Variants in NKD2 observed in about 807,000 individuals in gnomAD.
NKD2 encodes the protein NKD inhibitor of Wnt signaling pathway 2.
In NKD2, 43 loss-of-function variants were observed where a neutral mutation model predicts 34.8. That is an observed-to-expected ratio of 1.24 (90% CI 0.97 to 1.60). The LOEUF is 1.60. Among genes scored for constraint, NKD2 ranks in the 40% most tolerant of loss-of-function variants. The pLI is 0.00. For missense variants in NKD2, 675 were observed against 627.1 expected (o/e 1.08, Z -0.82); for synonymous variants, 278 against 265.1 (o/e 1.05, Z -0.47).
At chr5:1,035,972 G>A in intron 8 of NKD2, 2 of 471,810 alleles carry the variant, frequency 4.2e-6, no homozygotes, top group Admixed American at 4.1e-5. Flanking sequence ...TGGTCCCAGA[G>A]TGGTGATCAG....
At position 1,034,827 on chromosome 5, in the gene NKD2, C is replaced by T; in HGVS notation, c.498C>T (p.Ser166=). The change falls in exon 7 of 10, where the codon AGC becomes AGT. Residue 166 remains serine, a synonymous_variant. Transcript: ENST00000296849. ...CGGTCAACCACTCCTCGGGCAGCAG[C>T]AAGACCCTCCGTGTGAAGCTAACCG... The part of the protein sequence containing the change: ...DASVNHSSGS[S]KTLRVKLTVS... The T allele has an allele frequency of 1.2e-6, 2 of 1,612,858 alleles. No homozygotes were observed. The highest frequency in any genetic ancestry group is 1.7e-6 in the Non-Finnish European group (2 of 1,179,964).
At chr5:1,011,474 C>T (rs1020091291) in intron 3 of NKD2, among the ~76,000 whole-genome samples, 8 of 152,338 alleles carry the variant, frequency 5.3e-5, no homozygotes, top group South Asian at 2.1e-4. Flanking sequence ...CCTCGCCCAT[C>T]GTCCTTGTCC....
rs191461031 is a variant in NKD2 at position 1,017,029 on chromosome 5, A to G, written c.141+7469A>G. Reference sequence around the variant, plus strand: ...CTTCCCACAAAGGATAACAGAGCCAACCTCATCCTCGTCCTTCCCACAAAG... The same window carrying G: ...CTTCCCACAAAGGATAACAGAGCCAGCCTCATCCTCGTCCTTCCCACAAAG... On this transcript the variant is annotated intron_variant, in intron 3 of 9. Transcript: ENST00000296849. Among the ~76,000 whole-genome samples the G allele has an allele frequency of 2.4e-3, 347 of 145,636 alleles. 1 individual carries two copies. The highest frequency in any genetic ancestry group is 7.9e-3 in the African/African-American group (306 of 38,722).
At position 1,038,512 on chromosome 5, in the gene NKD2, G is replaced by GT; in HGVS notation, c.*139_*140insT. 1 of 1,488,732 alleles carries GT rather than the reference G, an allele frequency of 6.7e-7. No individual in the cohort carries two copies. Among genetic ancestry groups the GT allele is most frequent in the Non-Finnish European group, 9.0e-7 (1 of 1,106,834 alleles). 92.2% of individuals were successfully genotyped at this position (1,488,732 alleles called of 1,614,324 possible). On this transcript the variant is annotated 3_prime_UTR_variant, in exon 10 of 10. Coordinates refer to ENST00000296849, the MANE Select transcript of NKD2 (RefSeq NM_033120.4). This position sits in a 1 kb window ranked among gnomAD's most constrained non-coding sequence, Gnocchi z 4.5. ...CTCCGACAGCAAACAGCAACTGACT[G>GT]CAGGTGCTGGCATGATGGAGGTGGT...
rs1206898260 is a variant in NKD2 at position 1,009,229 on chromosome 5, C to T, written c.61+15C>T. On this transcript the variant is annotated intron_variant, in intron 2 of 9. Transcript: ENST00000296849. This position sits in a 1 kb window ranked among gnomAD's most constrained non-coding sequence, Gnocchi z 6.9. The stretch of plus-strand genomic sequence containing the variant: ...GAGCCCGGAAGGTGAGCGGGCGAGC[C>T]GACGGGCGGGGCGGGGGGCGGCGAC... The T allele has an allele frequency of 2.0e-6, 1 of 497,630 alleles. No homozygotes were observed. Among genetic ancestry groups the T allele is most frequent in the East Asian group, 3.6e-5 (1 of 27,858 alleles). The allele number at this position is 497,630 out of a possible 1,614,324, so 30.8% of individuals were successfully genotyped here. A position where few individuals can be genotyped will look rare whatever the true frequency, so the allele number is the denominator to read the frequency against.
rs1734040376 is a variant in NKD2, at chr5:1,037,421, CCTT to C, written c.788-381_788-379del. ...CGTTGTGAAGGTGGCAGTCCTGAGT[CCTT>C]CTCAAATCTATTTTGTAATGAGGGT... On this transcript the variant is annotated intron_variant, in intron 9 of 9. Transcript: ENST00000296849. The C allele has an allele frequency of 3.6e-6, 4 of 1,113,914 alleles. No individual in the cohort carries two copies. The South Asian group carries it at 4.5e-5, about 12-fold the overall frequency. 69.0% of individuals were successfully genotyped at this position (1,113,914 alleles called of 1,614,324 possible).
chr5:1,033,630 C>T (rs1756735865), intron 5 of NKD2, 131 bp downstream of exon 5: 11 of 1,139,364 alleles, frequency 9.7e-6, no homozygotes, highest in Non-Finnish European at 1.3e-5. Flanking sequence ...CACAGTTCAC[C>T]CCGTTTAAGG....
At chr5:1,035,018 G>C in intron 7 of NKD2, 115 bp downstream of exon 7, 1 of 972,796 alleles carries the variant, frequency 1.0e-6, no homozygotes, top group Non-Finnish European at 1.5e-6. Context: ...GTGGGTGAAT[G>C]GATGGGTGAG....
intron 3 of NKD2, among the ~76,000 whole-genome samples, chr5:1,013,661 A>G (rs904649310): frequency 2.6e-5 from 4 of 152,220 alleles, no homozygotes; most frequent in Non-Finnish European, 5.9e-5. Flanking sequence ...AGCCGCAGGC[A>G]TCCCCTGTCC....
In NKD2 at chr5:1,038,669, C is replaced by CT; in HGVS notation, c.*299dup. On this transcript the variant is annotated 3_prime_UTR_variant, in exon 10 of 10. Transcript: ENST00000296849. This position sits in a 1 kb window ranked among gnomAD's most constrained non-coding sequence, Gnocchi z 4.5. The stretch of plus-strand genomic sequence containing the variant: ...TCGTCTGTGTAACCCATAAAACCTG[C>CT]TTTGATTCCAAAATGAGGCCCTGGA... The CT allele has an allele frequency of 1.6e-6, 1 of 629,902 alleles. No individual in the cohort carries two copies. The highest frequency in any genetic ancestry group is 2.8e-6 in the Non-Finnish European group (1 of 354,722). The allele number at this position is 629,902 out of a possible 1,614,324, so 39.0% of individuals were successfully genotyped here. A position where few individuals can be genotyped will look rare whatever the true frequency, so the allele number is the denominator to read the frequency against.
At chr5:1,029,265 T>G in intron 3 of NKD2, among the ~76,000 whole-genome samples, 1 of 152,236 alleles carries the variant, frequency 6.6e-6, no homozygotes, top group East Asian at 1.9e-4. Flanking sequence ...AAGGGGATAT[T>G]TTTTCAATGT....
chr5:1,021,771 G>C (rs1457323641), intron 3 of NKD2, among the ~76,000 whole-genome samples: 1 of 152,028 alleles, frequency 6.6e-6, no homozygotes, highest in Non-Finnish European at 1.5e-5. Context: ...TTCCGCAGAC[G>C]CCGGTGGCAG....
At chr5:1,018,433 C>T (rs1218472549) in intron 3 of NKD2, among the ~76,000 whole-genome samples, 2 of 152,338 alleles carry the variant, frequency 1.3e-5, no homozygotes, top group Non-Finnish European at 2.9e-5. Context: ...TTTAGGTTTT[C>T]TGTAAAACAA....
intron 3 of NKD2, among the ~76,000 whole-genome samples, chr5:1,011,851 C>T (rs1186320873): frequency 6.6e-6 from 1 of 152,266 alleles, no homozygotes; most frequent in South Asian, 2.1e-4. Flanking sequence ...CTCTCCCTGG[C>T]GACTCTGCGG....
rs778043658 is a variant in NKD2 at position 1,033,355 on chromosome 5, T to G, written c.203-17T>G. Reference sequence around the variant, plus strand: ...TGTGCCCTCTGCCAGCCCCTTCGCCTCCTCTTGTCCCCCTAGTGGCACTCC... The same window carrying G: ...TGTGCCCTCTGCCAGCCCCTTCGCCGCCTCTTGTCCCCCTAGTGGCACTCC... On this transcript the variant is annotated splice_polypyrimidine_tract_variant and intron_variant, in intron 4 of 9. Coordinates refer to ENST00000296849, the MANE Select transcript of NKD2 (RefSeq NM_033120.4). 3.1e-6 allele frequency: 5 copies of G among 1,587,714 alleles called. No homozygotes were observed. The African/African-American group carries it at 4.1e-5, about 13-fold the overall frequency.
chr5:1,010,571 C>T lies in NKD2; in HGVS notation c.141+1011C>T, dbSNP rs76157790. On this transcript the variant is annotated intron_variant, in intron 3 of 9. Transcript: ENST00000296849. ...AGGATTGGTGCTTCCTGAGAGTGACCATCTAACGCCTGTGATGGTGGGAAG... is the reference window on the plus strand; with the variant it reads ...AGGATTGGTGCTTCCTGAGAGTGACTATCTAACGCCTGTGATGGTGGGAAG... Among the ~76,000 whole-genome samples, 1,484 of 152,218 alleles carry T rather than the reference C, an allele frequency of 9.7e-3. 60 individuals are homozygous for T. In the East Asian group the frequency reaches 0.12, roughly 12 times the overall value.
chr5:1,021,367 TCCAC>T (rs1189340387), intron 3 of NKD2, among the ~76,000 whole-genome samples: 1 of 28,342 alleles, frequency 3.5e-5, no homozygotes, highest in African/African-American at 1.5e-4. Context: ...CCCCCGCCCC[TCCAC>T]CCACCCACCC....
rs565853187 is a variant in NKD2, at chr5:1,015,220, A to G, written c.141+5660A>G. The stretch of plus-strand genomic sequence containing the variant: ...TGGGCCTGATTCGTACTGCACAGTC[A>G]TCTGAGCTGTCAGCAAGCTCTCACT... On this transcript the variant is annotated intron_variant, in intron 3 of 9. Coordinates refer to ENST00000296849, the MANE Select transcript of NKD2 (RefSeq NM_033120.4). Among the ~76,000 whole-genome samples, 352 of 152,334 alleles carry G rather than the reference A, an allele frequency of 2.3e-3. 1 individual carries two copies. The highest frequency in any genetic ancestry group is 7.5e-3 in the African/African-American group (311 of 41,580).
At chr5:1,018,136 T>A (rs1756032972) in intron 3 of NKD2, among the ~76,000 whole-genome samples, 2 of 152,014 alleles carry the variant, frequency 1.3e-5, no homozygotes, top group African/African-American at 2.4e-5. Context: ...GGAAGAAGAA[T>A]GGCGGCCCCC....
Sources: allele counts gnomAD v4.1 joint callset (sites outside exome capture counted in the v4.1 genomes callset), GRCh38; gene constraint gnomAD v4.1.1; non-coding constraint Gnocchi (gnomAD v3.1); transcripts MANE v1.5; gene names NCBI Gene and HGNC (gene_info 2026-07-23, HGNC 2026-07-21).